Variants in PDE7B observed in about 807,000 individuals in gnomAD.
PDE7B encodes the protein 3',5'-cyclic-AMP phosphodiesterase 7B.
PDE7B carries 29 observed loss-of-function variants against 56.2 expected under a neutral mutation model. The observed-to-expected ratio is 0.52, with a 90% CI of 0.38 to 0.70. The LOEUF (loss-of-function observed/expected upper bound fraction) is 0.70. PDE7B is among the 30% of genes least tolerant of loss of function. The pLI is 0.00. For missense variants in PDE7B, 490 were observed against 565.0 expected (o/e 0.87, Z 1.35); for synonymous variants, 197 against 196.9 (o/e 1.00, Z 0.00).
At chr6:135,918,921 T>G (rs1282864500) in intron 1 of PDE7B, among the ~76,000 whole-genome samples, 1 of 152,250 alleles carries the variant, frequency 6.6e-6, no homozygotes. Flanking sequence ...GGAATTGTTT[T>G]GTGTTGTGTT....
intron 1 of PDE7B, among the ~76,000 whole-genome samples, chr6:135,920,307 AT>A: frequency 6.6e-6 from 1 of 152,352 alleles, no homozygotes; most frequent in African/African-American, 2.4e-5. Flanking sequence ...AAGTTTAAAT[AT>A]TTAACACCTA....
At chr6:135,981,685 G>A (rs1272219278) in intron 2 of PDE7B, among the ~76,000 whole-genome samples, 1 of 151,134 alleles carries the variant, frequency 6.6e-6, no homozygotes, top group Non-Finnish European at 1.5e-5. Context: ...AACACACATG[G>A]GGCTGCCATC....
intron 1 of PDE7B, among the ~76,000 whole-genome samples, chr6:135,897,553 G>A (rs1419135113): frequency 6.6e-6 from 1 of 152,186 alleles, no homozygotes; most frequent in African/African-American, 2.4e-5. Context: ...AATTTACTCA[G>A]CAGGTGGATC....
At chr6:135,949,018 C>G (rs575542011) in intron 2 of PDE7B, among the ~76,000 whole-genome samples, 2 of 152,078 alleles carry the variant, frequency 1.3e-5, no homozygotes, top group South Asian at 4.2e-4. Flanking sequence ...ACCATCACAT[C>G]AAATAATCTA....
chr6:136,005,387 CA>C (rs1219259216), intron 2 of PDE7B, among the ~76,000 whole-genome samples: 1 of 152,012 alleles, frequency 6.6e-6, no homozygotes, highest in Non-Finnish European at 1.5e-5. Context: ...TTCTGCACAG[CA>C]AAAGAAACTA....
chr6:136,107,640 AT>A (rs1169175263), intron 2 of PDE7B, among the ~76,000 whole-genome samples: 3 of 152,072 alleles, frequency 2.0e-5, no homozygotes, highest in African/African-American at 4.8e-5. Context: ...TCTTAACTTT[AT>A]TTTATAAATG....
intron 3 of PDE7B, among the ~76,000 whole-genome samples, chr6:136,140,607 G>C (rs1463476017): frequency 6.6e-6 from 1 of 152,186 alleles, no homozygotes; most frequent in African/African-American, 2.4e-5. Context: ...CTTGAGCATG[G>C]AATGTTCTTC....
Position 136,004,711 on chromosome 6 carries a change from A to G in PDE7B, c.82+57187A>G, listed in dbSNP as rs1299871305. Among the ~76,000 whole-genome samples, 3 of 152,298 alleles carry G rather than the reference A, an allele frequency of 2.0e-5. No homozygotes were observed. In the East Asian group the frequency reaches 5.8e-4, roughly 29 times the overall value. ...GCTCAAGGAAATAAAAGAGGATACA[A>G]ACAAGTGGAAGAACATTCCATGTTC... On this transcript the variant is annotated intron_variant, in intron 2 of 12. Transcript: ENST00000308191.
At chr6:136,129,060 T>G (rs76195788) in intron 3 of PDE7B, among the ~76,000 whole-genome samples, 4,570 of 152,296 alleles carry the variant, frequency 0.03, 246 homozygotes, top group African/African-American at 0.1. Flanking sequence ...TGAGTGATAT[T>G]TGCATTCTGA....
rs1776343183 is a variant in PDE7B, at chr6:136,037,543, C to T, written c.83-71188C>T. On this transcript the variant is annotated intron_variant, in intron 2 of 12. Transcript: ENST00000308191. The stretch of plus-strand genomic sequence containing the variant: ...TGGTCTTGGTGACTGGGCAAGGTGC[C>T]CCCCAACCCCCATCAGGCCCTCCAG... 4.1e-6 allele frequency: 4 copies of T among 985,290 alleles called. No homozygotes were observed. In the South Asian group the frequency reaches 1.9e-4, roughly 46 times the overall value. 61.0% of individuals were successfully genotyped at this position (985,290 alleles called of 1,614,324 possible).
chr6:135,987,342 G>A (rs893039634), intron 2 of PDE7B, among the ~76,000 whole-genome samples: 2 of 152,170 alleles, frequency 1.3e-5, no homozygotes, highest in Middle Eastern at 3.2e-3. Context: ...CAACCCTCTG[G>A]ACTCTGTATT....
intron 1 of PDE7B, among the ~76,000 whole-genome samples, chr6:135,886,164 G>A (rs17065063): frequency 0.12 from 17,641 of 152,028 alleles, 2,396 homozygotes; most frequent in African/African-American, 0.33. Flanking sequence ...CTAAGATACC[G>A]TTGAGTGCTT....
chr6:135,941,751 G>A (rs1774509634), intron 1 of PDE7B, among the ~76,000 whole-genome samples: 2 of 152,256 alleles, frequency 1.3e-5, no homozygotes, highest in East Asian at 1.9e-4. Context: ...TTACCTACTT[G>A]CAGAAAACTG....
chr6:136,183,209 G>C lies in PDE7B; in HGVS notation c.1045+1886G>C, dbSNP rs536342854. ...GCAGGCTTCCATGTACCTTCCTCTG[G>C]CATGTTTCCTGGCAGAGGAAGAATA... On this transcript the variant is annotated intron_variant, in intron 11 of 12. Transcript: ENST00000308191. 3.9e-4 allele frequency among the ~76,000 whole-genome samples: 60 copies of C among 151,990 alleles called. 1 individual carries two copies. The highest frequency in any genetic ancestry group is 1.4e-3 in the African/African-American group (59 of 41,444).
At chr6:136,165,891 G>T (rs1778784576) in intron 8 of PDE7B, among the ~76,000 whole-genome samples, 1 of 152,130 alleles carries the variant, frequency 6.6e-6, no homozygotes, top group Non-Finnish European at 1.5e-5. Flanking sequence ...CTGAGGTTCT[G>T]TGAGTAAGGA....
chr6:136,078,806 T>C (rs1176707188), intron 2 of PDE7B, among the ~76,000 whole-genome samples: 1 of 152,276 alleles, frequency 6.6e-6, no homozygotes, highest in East Asian at 1.9e-4. Flanking sequence ...TATACACTCA[T>C]AAAATAGCCT....
chr6:136,048,097 CAG>C (rs1776549090), intron 2 of PDE7B, among the ~76,000 whole-genome samples: 2 of 151,126 alleles, frequency 1.3e-5, no homozygotes, highest in African/African-American at 4.9e-5. Flanking sequence ...GATAGACAGA[CAG>C]ACAGACAGAC....
At chr6:136,178,941 C>G in intron 9 of PDE7B, 56 bp from the exon 10 acceptor site, 1 of 1,576,756 alleles carries the variant, frequency 6.3e-7, no homozygotes, top group Non-Finnish European at 8.7e-7. Flanking sequence ...ATCAATCACC[C>G]TCATCAAAGG....
chr6:136,012,265 A>T (rs1775907845), intron 2 of PDE7B, among the ~76,000 whole-genome samples: 1 of 152,000 alleles, frequency 6.6e-6, no homozygotes, highest in African/African-American at 2.4e-5. Flanking sequence ...CCCTTTCTTG[A>T]GGTGTCTCTG....
Sources: gnomAD v4.1 joint callset for allele counts (sites outside exome capture counted in the v4.1 genomes callset) on GRCh38, gnomAD v4.1.1 for gene constraint, MANE v1.5 for transcripts, NCBI Gene and HGNC (gene_info 2026-07-23, HGNC 2026-07-21) for gene names.